The following USP45 variants were observed in gnomAD, a reference collection of about 807,000 sequenced individuals.
The protein encoded by USP45 is ubiquitin specific peptidase 45.
In USP45, 89 loss-of-function variants were observed where a neutral mutation model predicts 95.8. The observed-to-expected ratio is 0.93, with a 90% CI of 0.78 to 1.11. The LOEUF is 1.11. Ranked by LOEUF, USP45 falls within the 50% of genes least tolerant of loss-of-function variation. USP45 has a pLI of 0.00. For missense variants in USP45, 898 were observed against 942.5 expected (o/e 0.95, Z 0.62); for synonymous variants, 281 against 316.2 (o/e 0.89, Z 1.18).
chr6:99,443,229 G>A (rs766290242), intron 15 of USP45, among the ~76,000 whole-genome samples: 2 of 151,930 alleles, frequency 1.3e-5, no homozygotes, highest in Non-Finnish European at 2.9e-5. Context: ...ATCTGGTCTC[G>A]AACTCCTGAC....
chr6:99,440,806 C>A (rs1781380310), intron 15 of USP45, among the ~76,000 whole-genome samples: 1 of 151,960 alleles, frequency 6.6e-6, no homozygotes, highest in African/African-American at 2.4e-5. Flanking sequence ...AATATTTAAT[C>A]TACATTCAAT....
chr6:99,475,684 AC>A (rs1373942920), intron 9 of USP45, among the ~76,000 whole-genome samples: 2 of 152,208 alleles, frequency 1.3e-5, no homozygotes, highest in African/African-American at 4.8e-5. Context: ...ACTAAAAAGG[AC>A]AATAGGGCTG....
At chr6:99,456,134 G>GAA (rs71021737) in intron 13 of USP45, among the ~76,000 whole-genome samples, 45 of 89,490 alleles carry the variant, frequency 5.0e-4, no homozygotes, top group East Asian at 1.1e-3. Flanking sequence ...CTCTGTCTCG[G>GAA]AAAAAAAAAA....
At position 99,432,442 on chromosome 6, in the gene USP45, CAT is replaced by C. The variant is rs1314068107; in HGVS notation, c.*3272_*3273del. On this transcript the variant is annotated 3_prime_UTR_variant, in exon 18 of 18. Transcript: ENST00000500704. ...GAAAATTCCAGGACCAATCTTGTAA[CAT>C]GAGATAAATAAGAATATTTATTATG... is the stretch of plus-strand genomic sequence containing the variant. The C allele has an allele frequency of 6.6e-6, 1 of 152,022 alleles. No homozygotes were observed. The highest frequency in any genetic ancestry group is 1.5e-5 in the Non-Finnish European group (1 of 68,020). The allele number at this position is 152,022 out of a possible 1,614,324, so 9.4% of individuals were successfully genotyped here.
chr6:99,462,236 G>T, intron 13 of USP45: 2 of 982,324 alleles, frequency 2.0e-6, no homozygotes, highest in Non-Finnish European at 2.4e-6. Context: ...GGTCCAATTT[G>T]TTCAGCACAA....
intron 7 of USP45, among the ~76,000 whole-genome samples, chr6:99,485,814 G>A (rs1002691590): frequency 3.9e-5 from 6 of 152,154 alleles, no homozygotes; most frequent in African/African-American, 1.4e-4. Flanking sequence ...CAAGAATACA[G>A]GATAGGTTTA....
chr6:99,512,663 A>G (rs1323090493), intron 1 of USP45, among the ~76,000 whole-genome samples: 2 of 152,188 alleles, frequency 1.3e-5, no homozygotes, highest in Admixed American at 1.3e-4. Flanking sequence ...TATTCATTCC[A>G]TAATTCACAA....
intron 5 of USP45, among the ~76,000 whole-genome samples, chr6:99,502,870 T>C (rs1351339952): frequency 6.6e-6 from 1 of 152,174 alleles, no homozygotes; most frequent in East Asian, 1.9e-4. Flanking sequence ...ACGTGCCTGC[T>C]TCCCCTTCAC....
chr6:99,505,356 A>C (rs920823029), intron 4 of USP45, among the ~76,000 whole-genome samples: 1 of 152,154 alleles, frequency 6.6e-6, no homozygotes, highest in Admixed American at 6.5e-5. Context: ...GAAAGTGTTC[A>C]AAGTGTTTTA....
At chr6:99,507,849 T>C (rs1023266599) in intron 3 of USP45, among the ~76,000 whole-genome samples, 1 of 152,140 alleles carries the variant, frequency 6.6e-6, no homozygotes, top group African/African-American at 2.4e-5. Context: ...CATTTCCCAA[T>C]CCCGTACACA....
At chr6:99,445,701 A>G in intron 14 of USP45, 96 bp downstream of exon 14, 1 of 940,836 alleles carries the variant, frequency 1.1e-6, no homozygotes, top group Non-Finnish European at 1.5e-6. Flanking sequence ...TAACACAAGT[A>G]TAGGGACAAG....
At chr6:99,437,989 G>A (rs1042714063) in intron 16 of USP45, among the ~76,000 whole-genome samples, 1 of 152,202 alleles carries the variant, frequency 6.6e-6, no homozygotes. Flanking sequence ...ATCAGGCTAA[G>A]TTCTGTATGT....
rs200646929 is a variant in USP45, at chr6:99,511,841, GTGTGTATATATATATATATATA to G, written c.-10-1633_-10-1612del. 1.2e-3 allele frequency among the ~76,000 whole-genome samples: 158 copies of G among 133,562 alleles called. 3 individuals are homozygous for G. In the East Asian group the frequency reaches 0.016, roughly 14 times the overall value. 87.6% of individuals were successfully genotyped at this position (133,562 alleles called of 152,430 possible). A position where few individuals can be genotyped will look rare whatever the true frequency, so the allele number is the denominator to read the frequency against. On this transcript the variant is annotated intron_variant, in intron 1 of 17. Coordinates refer to ENST00000500704, the MANE Select transcript of USP45 (RefSeq NM_001346022.3). ...GAGAGACACATATATGTATGTGAGT[GTGTGTATATATATATATATATA>G]TATATATATATATATATATATATAC...
intron 13 of USP45, among the ~76,000 whole-genome samples, chr6:99,454,621 A>C (rs1304646770): frequency 6.6e-6 from 1 of 152,246 alleles, no homozygotes; most frequent in East Asian, 1.9e-4. Flanking sequence ...AAAAATGCTC[A>C]ACATCCCTAA....
At chr6:99,484,004 G>GTTTTTGTT in intron 7 of USP45, among the ~76,000 whole-genome samples, 1 of 91,464 alleles carries the variant, frequency 1.1e-5, no homozygotes, top group East Asian at 3.8e-4. Context: ...ATTTTCCATA[G>GTTTTTGTT]TTTTTTTTTT....
chr6:99,443,280 G>A (rs999777248), intron 15 of USP45, among the ~76,000 whole-genome samples: 1 of 152,078 alleles, frequency 6.6e-6, no homozygotes, highest in Non-Finnish European at 1.5e-5. Context: ...AAGGCCGAGG[G>A]AGCCACCGTG....
chr6:99,444,044 TGCTGTTACCCAG>T (rs1456605483), intron 14 of USP45, among the ~76,000 whole-genome samples: 9 of 151,914 alleles, frequency 5.9e-5, no homozygotes, highest in African/African-American at 2.2e-4. Flanking sequence ...CTTTTGAGAT[TGCTGTTACCCAG>T]GCTGAAGTGC....
intron 10 of USP45, among the ~76,000 whole-genome samples, chr6:99,467,622 T>C (rs1473797089): frequency 6.6e-6 from 1 of 152,066 alleles, no homozygotes; most frequent in Admixed American, 6.6e-5. Flanking sequence ...ATATTTCTTC[T>C]AGAAAAACTA....
intron 1 of USP45, among the ~76,000 whole-genome samples, chr6:99,510,839 T>C (rs549165068): frequency 2.8e-4 from 42 of 152,258 alleles, no homozygotes; most frequent in African/African-American, 1.0e-3. Flanking sequence ...TGACCAAAAC[T>C]AAAGTTTTCA....
Sources: gnomAD v4.1 joint callset for allele counts (sites outside exome capture counted in the v4.1 genomes callset) on GRCh38, gnomAD v4.1.1 for gene constraint, MANE v1.5 for transcripts, NCBI Gene and HGNC (gene_info 2026-07-23, HGNC 2026-07-21) for gene names.